FRMPD4: variants seen among roughly 807,000 people sequenced by gnomAD.
FRMPD4 encodes the protein FERM and PDZ domain-containing protein 4.
Under a neutral mutation model 94.1 loss-of-function variants are expected in FRMPD4, and 22 were observed. The observed-to-expected ratio is 0.23, with a 90% CI of 0.17 to 0.33. FRMPD4 has a LOEUF of 0.33. Ranked by LOEUF, FRMPD4 falls within the 10% of genes least tolerant of loss-of-function variation. FRMPD4 has a pLI of 1.00. For synonymous variants in FRMPD4, 631 were observed against 548.6 expected, an observed-to-expected ratio of 1.15 and a Z score of -2.10; for missense variants, 1,111 against 1,339.9, an observed-to-expected ratio of 0.83 and a Z score of 2.67.
At chrX:12,101,410 A>G (rs1569158587) in intron 3 of FRMPD4, among the ~76,000 whole-genome samples, 1 of 111,304 alleles carries the variant, frequency 9.0e-6, no homozygotes, top group Non-Finnish European at 1.9e-5. Flanking sequence ...TTTTCTATCA[A>G]TTGATCCTAG....
At chrX:12,678,424 A>G (rs1027726821) in intron 5 of FRMPD4, among the ~76,000 whole-genome samples, 15 of 112,017 alleles carry the variant, frequency 1.3e-4, no homozygotes, top group Non-Finnish European at 2.4e-4. Flanking sequence ...CTTTTTTATT[A>G]TAGATCTTTC....
chrX:12,475,537 A>G (rs920671066), intron 1 of FRMPD4, among the ~76,000 whole-genome samples: 8 of 112,109 alleles, frequency 7.1e-5, no homozygotes, highest in Non-Finnish European at 1.1e-4. Context: ...CTGTTTGCAG[A>G]TGACATGATT....
intron 3 of FRMPD4, among the ~76,000 whole-genome samples, chrX:11,949,264 A>G (rs1473140461): frequency 8.9e-6 from 1 of 112,340 alleles, no homozygotes; most frequent in Non-Finnish European, 1.9e-5. Context: ...CATGTATACA[A>G]GATGGCCGTT....
chrX:12,617,877 A>G (rs7051743), intron 4 of FRMPD4, among the ~76,000 whole-genome samples: 2,665 of 111,431 alleles, frequency 0.024, 81 homozygotes, highest in African/African-American at 0.081. Context: ...CTTATCATTT[A>G]GTTACTCTAT....
intron 1 of FRMPD4, among the ~76,000 whole-genome samples, chrX:12,451,733 CGTGTGTGTGTGTGTGTGT>C (rs72300557): frequency 4.0e-5 from 4 of 98,812 alleles, no homozygotes; most frequent in African/African-American, 7.3e-5. Context: ...TGTGTATGCC[CGTGTGTGTGTGTGTGTGT>C]GTGTGTGTGT....
intron 3 of FRMPD4, among the ~76,000 whole-genome samples, chrX:12,018,403 TTTTTTTTG>T (rs2054615112): frequency 1.8e-5 from 2 of 110,249 alleles, no homozygotes; most frequent in Non-Finnish European, 1.9e-5. Context: ...TTCCCCTTCT[TTTTTTTTG>T]TTTTTTTGTT....
At chrX:12,649,620 C>G (rs774852687) in intron 4 of FRMPD4, among the ~76,000 whole-genome samples, 34 of 112,015 alleles carry the variant, frequency 3.0e-4, no homozygotes, top group Admixed American at 2.5e-3. Flanking sequence ...ATTTCTGGAG[C>G]CTGTGTATCT....
chrX:12,559,187 A>G (rs187418375), intron 2 of FRMPD4, among the ~76,000 whole-genome samples: 22 of 112,544 alleles, frequency 2.0e-4, no homozygotes, highest in African/African-American at 6.8e-4. Flanking sequence ...TCAGGAGTAC[A>G]TTTGAGAAAA....
chrX:12,061,035 A>T (rs2054882913), intron 3 of FRMPD4, among the ~76,000 whole-genome samples: 1 of 112,407 alleles, frequency 8.9e-6, no homozygotes, highest in Non-Finnish European at 1.9e-5. Flanking sequence ...TCTATGCCAA[A>T]AGACAGATTA....
At chrX:12,448,843 G>A (rs1296366524) in intron 1 of FRMPD4, among the ~76,000 whole-genome samples, 2 of 111,696 alleles carry the variant, frequency 1.8e-5, no homozygotes, top group Non-Finnish European at 3.8e-5. Context: ...CTACTGAGTA[G>A]TGCTACCAAT....
intron 1 of FRMPD4, among the ~76,000 whole-genome samples, chrX:12,484,410 A>G (rs894743404): frequency 4.5e-5 from 5 of 112,116 alleles, no homozygotes; most frequent in African/African-American, 1.3e-4. Context: ...TCTCTGCTGC[A>G]GTAAAGATTC....
chrX:12,420,599 C>T (rs182853663), intron 1 of FRMPD4, among the ~76,000 whole-genome samples: 31 of 112,127 alleles, frequency 2.8e-4, no homozygotes, highest in Non-Finnish European at 5.5e-4. Context: ...CATCCTTCAT[C>T]CTGGGCCACC....
intron 1 of FRMPD4, among the ~76,000 whole-genome samples, chrX:12,275,102 T>C (rs1229781073): frequency 3.6e-5 from 4 of 112,298 alleles, no homozygotes; most frequent in Non-Finnish European, 5.6e-5. Context: ...TCATGTTGAA[T>C]TGCAATCCCT....
intron 1 of FRMPD4, among the ~76,000 whole-genome samples, chrX:12,193,920 C>G (rs973492680): frequency 1.9e-5 from 2 of 107,644 alleles, no homozygotes; most frequent in African/African-American, 6.7e-5. Flanking sequence ...GATTGAAAAA[C>G]TAGATGTACT....
At chrX:12,556,956 C>A (rs1043261018) in intron 2 of FRMPD4, among the ~76,000 whole-genome samples, 1 of 111,916 alleles carries the variant, frequency 8.9e-6, no homozygotes, top group Non-Finnish European at 1.9e-5. Flanking sequence ...AGGCACACAC[C>A]ACCATTCCTG....
At chrX:12,376,248 A>T (rs2056235635) in intron 1 of FRMPD4, among the ~76,000 whole-genome samples, 1 of 112,426 alleles carries the variant, frequency 8.9e-6, no homozygotes, top group African/African-American at 3.2e-5. Context: ...GGGAGGCCTC[A>T]TTCGATTGTC....
chrX:12,199,731 T>C (rs185250243), intron 1 of FRMPD4, among the ~76,000 whole-genome samples: 1 of 111,834 alleles, frequency 8.9e-6, no homozygotes, highest in African/African-American at 3.2e-5. Flanking sequence ...GGAATTGCAA[T>C]AGAGAAAGAG....
intron 1 of FRMPD4, among the ~76,000 whole-genome samples, chrX:12,248,304 C>T (rs1354282362): frequency 8.9e-6 from 1 of 112,179 alleles, no homozygotes; most frequent in Non-Finnish European, 1.9e-5. Flanking sequence ...TATTCATTCT[C>T]TTGTCTCACT....
At chrX:12,063,519 T>C (rs772664634) in intron 3 of FRMPD4, among the ~76,000 whole-genome samples, 4 of 113,150 alleles carry the variant, frequency 3.5e-5, no homozygotes, top group African/African-American at 9.6e-5. Flanking sequence ...AGTAATGCAA[T>C]TAAATCCATA....
Sources: allele counts gnomAD v4.1 joint callset (sites outside exome capture counted in the v4.1 genomes callset), GRCh38; gene constraint gnomAD v4.1.1; transcripts MANE v1.5; gene names NCBI Gene and HGNC (gene_info 2026-07-23, HGNC 2026-07-21).